Variants in SOX5 observed in about 807,000 individuals in gnomAD.
SOX5 encodes SRY-box transcription factor 5, also known as transcription factor SOX-5.
Under a neutral mutation model 92.0 loss-of-function variants are expected in SOX5, and 9 were observed. That is an observed-to-expected ratio of 0.10 (90% CI 0.06 to 0.17). SOX5 has a LOEUF of 0.17. Among genes scored for constraint, SOX5 ranks in the 10% least tolerant of loss-of-function variants. The probability of loss-of-function intolerance (pLI) is 1.00; values close to 1 mark genes in which losing one functional copy is unlikely to be tolerated. For missense variants in SOX5, 642 were observed against 944.5 expected (o/e 0.68, Z 4.20); for synonymous variants, 344 against 336.3 (o/e 1.02, Z -0.25).
At chr12:23,727,545 C>G (rs2093199888) in intron 6 of SOX5, among the ~76,000 whole-genome samples, 1 of 152,032 alleles carries the variant, frequency 6.6e-6, no homozygotes, top group Non-Finnish European at 1.5e-5. Flanking sequence ...AGGCAAGTGT[C>G]AAGGAACACT....
intron 4 of SOX5, among the ~76,000 whole-genome samples, chr12:23,993,874 T>C (rs1409719451): frequency 1.4e-5 from 2 of 147,648 alleles, no homozygotes; most frequent in Non-Finnish European, 3.0e-5. Flanking sequence ...AATGTATGTA[T>C]GTATGTATGT....
At chr12:23,572,456 GA>G (rs11350064) in intron 10 of SOX5, among the ~76,000 whole-genome samples, 134,030 of 148,824 alleles carry the variant, frequency 0.9, 61,547 homozygotes, top group East Asian at 1. Flanking sequence ...GGACTTTTCA[GA>G]AAAAAAAAAA....
At chr12:24,392,883 A>G (rs2136510978) in intron 1 of SOX5, among the ~76,000 whole-genome samples, 1 of 152,242 alleles carries the variant, frequency 6.6e-6, no homozygotes, top group South Asian at 2.1e-4. Flanking sequence ...AGAAACATGT[A>G]GGACTGGGGA....
intron 4 of SOX5, among the ~76,000 whole-genome samples, chr12:23,997,000 G>T (rs1951092189): frequency 6.6e-6 from 1 of 152,100 alleles, no homozygotes. Flanking sequence ...AATGTTGAAG[G>T]AGAGTCTTTT....
At chr12:24,108,601 A>G (rs1411812781) in intron 4 of SOX5, among the ~76,000 whole-genome samples, 1 of 152,182 alleles carries the variant, frequency 6.6e-6, no homozygotes, top group Non-Finnish European at 1.5e-5. Context: ...CCTATTAACA[A>G]ATTCAGAAAT....
intron 4 of SOX5, among the ~76,000 whole-genome samples, chr12:23,985,291 C>A (rs1017785150): frequency 7.9e-5 from 12 of 151,962 alleles, no homozygotes; most frequent in Non-Finnish European, 1.3e-4. Context: ...ATCACCCAGG[C>A]AGGCTGTAGC....
Position 24,150,806 on chromosome 12 carries a change from T to C in SOX5, c.-2+62537A>G, listed in dbSNP as rs561027849. ...CATCCTTGTTCCTGGACATGGCAAATGAAAAGATCTGGGGTCTTGGTTAGA... is the reference window on the plus strand; with the variant it reads ...CATCCTTGTTCCTGGACATGGCAAACGAAAAGATCTGGGGTCTTGGTTAGA... On this transcript the variant is annotated intron_variant, in intron 4 of 4. Coordinates refer to the SOX5 transcript ENST00000446891. Among the ~76,000 whole-genome samples the C allele has an allele frequency of 7.9e-5, 12 of 151,846 alleles. No homozygotes were observed. The Middle Eastern group carries it at 0.017, about 215-fold the overall frequency.
chr12:24,353,260 T>C (rs1240680657), intron 2 of SOX5, among the ~76,000 whole-genome samples: 2 of 152,304 alleles, frequency 1.3e-5, no homozygotes, highest in Non-Finnish European at 2.9e-5. Flanking sequence ...CTGAGAGGTG[T>C]GTACCCTCTA....
intron 3 of SOX5, among the ~76,000 whole-genome samples, chr12:24,218,205 T>C (rs901609187): frequency 3.3e-5 from 5 of 152,126 alleles, no homozygotes; most frequent in Admixed American, 1.3e-4. Context: ...TTTATAATGG[T>C]CAAAAGTTAC....
At chr12:24,484,963 G>T (rs1023947113) in intron 1 of SOX5, among the ~76,000 whole-genome samples, 1 of 152,154 alleles carries the variant, frequency 6.6e-6, no homozygotes, top group Admixed American at 6.5e-5. Flanking sequence ...ATTCAGAGCG[G>T]TCAGAAACTC....
chr12:24,345,337 GC>G (rs1360016226), intron 2 of SOX5, among the ~76,000 whole-genome samples: 2 of 152,160 alleles, frequency 1.3e-5, no homozygotes, highest in Non-Finnish European at 2.9e-5. Flanking sequence ...AAACCTTCAA[GC>G]CTTCCTTTGC....
At chr12:23,743,754 C>T (rs535892215) in intron 4 of SOX5, among the ~76,000 whole-genome samples, 1 of 152,252 alleles carries the variant, frequency 6.6e-6, no homozygotes, top group Admixed American at 6.5e-5. Context: ...TAAGTTAGCC[C>T]TCTGCATAGG....
intron 1 of SOX5, among the ~76,000 whole-genome samples, chr12:24,445,294 C>T (rs1434217283): frequency 6.6e-6 from 1 of 152,174 alleles, no homozygotes; most frequent in Non-Finnish European, 1.5e-5. Context: ...CACGTTAAAA[C>T]ATTATGCTTG....
intron 4 of SOX5, among the ~76,000 whole-genome samples, chr12:23,998,825 A>AAT (rs1555466998): frequency 7.7e-6 from 1 of 129,956 alleles, no homozygotes; most frequent in East Asian, 2.4e-4. Context: ...AAAAAAAAAA[A>AAT]GGGGGGGCGA....
intron 4 of SOX5, among the ~76,000 whole-genome samples, chr12:24,065,838 A>G (rs1445977708): frequency 6.6e-6 from 1 of 152,046 alleles, no homozygotes; most frequent in African/African-American, 2.4e-5. Flanking sequence ...ATCTCACTTC[A>G]CTTTGCAAAT....
intron 11 of SOX5, among the ~76,000 whole-genome samples, chr12:23,561,870 C>G (rs1326157451): frequency 6.6e-6 from 1 of 150,732 alleles, no homozygotes; most frequent in East Asian, 1.9e-4. Context: ...CTGCTGTATC[C>G]ACAGCTGAAT....
intron 2 of SOX5, among the ~76,000 whole-genome samples, chr12:24,280,317 C>A (rs1013925275): frequency 6.6e-6 from 1 of 152,006 alleles, no homozygotes; most frequent in African/African-American, 2.4e-5. Context: ...CGTGAAATTG[C>A]GTTAAGAAAC....
At chr12:23,816,364 G>A (rs958315326) in intron 3 of SOX5, among the ~76,000 whole-genome samples, 14 of 151,752 alleles carry the variant, frequency 9.2e-5, no homozygotes, top group South Asian at 2.1e-4. Flanking sequence ...TGCGCACCAC[G>A]ATGCCCGGCT....
In SOX5 at chr12:24,452,983, A is replaced by G. The variant is rs530636018; in HGVS notation, c.-250-84344T>C. Among the ~76,000 whole-genome samples the G allele has an allele frequency of 2.6e-5, 4 of 152,340 alleles. No individual in the cohort carries two copies. In the East Asian group the frequency reaches 7.7e-4, roughly 29 times the overall value. On this transcript the variant is annotated intron_variant, in intron 1 of 4. Coordinates refer to the SOX5 transcript ENST00000446891. ...GTCTTAAAAACTTAAAATCCTTACT[A>G]GACTTGTTTCAGAAGAATGTTAAAT...
Sources: gnomAD v4.1 joint callset for allele counts (sites outside exome capture counted in the v4.1 genomes callset) on GRCh38, gnomAD v4.1.1 for gene constraint, MANE v1.5 for transcripts, NCBI Gene and HGNC (gene_info 2026-07-23, HGNC 2026-07-21) for gene names.